ADGRL3: variants seen among roughly 807,000 people sequenced by gnomAD.
ADGRL3 encodes the protein calcium-independent alpha-latrotoxin receptor 3.
Under a neutral mutation model 153.5 loss-of-function variants are expected in ADGRL3, and 62 were observed. That is an observed-to-expected ratio of 0.40 (90% confidence interval 0.33 to 0.50). The LOEUF (loss-of-function observed/expected upper bound fraction) is 0.50, where lower values mean the gene tolerates loss of function less well. Ranked by LOEUF, ADGRL3 falls within the 20% of genes least tolerant of loss-of-function variation. The pLI, the probability that ADGRL3 is intolerant of heterozygous loss-of-function variation, is 0.47. For missense variants in ADGRL3, 1,641 were observed against 1,859.4 expected, an observed-to-expected ratio of 0.88 and a Z score of 2.16; for synonymous variants, 710 against 672.5, an observed-to-expected ratio of 1.06 and a Z score of -0.86.
At chr4:62,002,884 C>G (rs1029007149) in intron 21 of ADGRL3, among the ~76,000 whole-genome samples, 1 of 152,022 alleles carries the variant, frequency 6.6e-6, no homozygotes, top group Non-Finnish European at 1.5e-5. Context: ...TTGTTACCAG[C>G]ACAAAATTAA....
intron 9 of ADGRL3, among the ~76,000 whole-genome samples, chr4:61,814,709 C>T (rs1398109748): frequency 6.6e-6 from 1 of 152,112 alleles, no homozygotes; most frequent in Non-Finnish European, 1.5e-5. Context: ...AGCCTATTTC[C>T]TCTCCTGGGA....
chr4:61,376,818 A>G (rs2096608849), intron 1 of ADGRL3, among the ~76,000 whole-genome samples: 2 of 152,182 alleles, frequency 1.3e-5, no homozygotes, highest in Admixed American at 6.5e-5. Flanking sequence ...AGTTCCTTAG[A>G]TACTAGCAGT....
chr4:61,908,777 T>G (rs1353168344), intron 11 of ADGRL3, among the ~76,000 whole-genome samples: 1 of 152,198 alleles, frequency 6.6e-6, no homozygotes. Flanking sequence ...GAAATTATGC[T>G]TATTTACTTA....
At chr4:62,002,976 T>C (rs577696971) in intron 21 of ADGRL3, among the ~76,000 whole-genome samples, 1 of 152,130 alleles carries the variant, frequency 6.6e-6, no homozygotes, top group Non-Finnish European at 1.5e-5. Context: ...ACCTTCAAAA[T>C]AAAAATTGAT....
chr4:61,992,155 G>A (rs1295731483), intron 19 of ADGRL3, among the ~76,000 whole-genome samples: 1 of 152,052 alleles, frequency 6.6e-6, no homozygotes, highest in Non-Finnish European at 1.5e-5. Flanking sequence ...ATGTTGCTAG[G>A]TAGATAAAGG....
chr4:62,022,958 A>G (rs893706707), intron 21 of ADGRL3, among the ~76,000 whole-genome samples: 4 of 152,122 alleles, frequency 2.6e-5, no homozygotes, highest in Non-Finnish European at 5.9e-5. Flanking sequence ...TTAAAGTCTT[A>G]TTACTCAAGA....
intron 2 of ADGRL3, among the ~76,000 whole-genome samples, chr4:61,491,085 G>A (rs1400386499): frequency 6.6e-6 from 1 of 151,984 alleles, no homozygotes; most frequent in Non-Finnish European, 1.5e-5. Flanking sequence ...TATATTCAGG[G>A]AATTTTTCTT....
intron 1 of ADGRL3, among the ~76,000 whole-genome samples, chr4:61,216,986 C>A (rs1174310179): frequency 1.3e-5 from 2 of 152,108 alleles, no homozygotes; most frequent in Non-Finnish European, 2.9e-5. Flanking sequence ...CTAAGTGGGT[C>A]TTTAAATTGT....
At chr4:61,783,089 A>G (rs2152392079) in intron 8 of ADGRL3, among the ~76,000 whole-genome samples, 1 of 152,302 alleles carries the variant, frequency 6.6e-6, no homozygotes, top group East Asian at 1.9e-4. Context: ...AGTGTCATGT[A>G]GTAGTTGATA....
At chr4:61,376,883 G>T (rs1296197737) in intron 1 of ADGRL3, among the ~76,000 whole-genome samples, 1 of 152,116 alleles carries the variant, frequency 6.6e-6, no homozygotes, top group East Asian at 1.9e-4. Flanking sequence ...GGAATTGATT[G>T]TGGCTATGGA....
chr4:61,730,777 C>G (rs537552498), intron 7 of ADGRL3, 141 bp downstream of exon 7: 4 of 270,412 alleles, frequency 1.5e-5, no homozygotes, highest in Non-Finnish European at 2.9e-5. Context: ...CTCAACTTCA[C>G]TTTAATCTGT....
At chr4:61,859,509 G>T (rs1162514144) in intron 9 of ADGRL3, among the ~76,000 whole-genome samples, 2 of 152,094 alleles carry the variant, frequency 1.3e-5, no homozygotes, top group Non-Finnish European at 2.9e-5. Context: ...AGTTAATAAA[G>T]CTCCTAATCA....
rs533572091 is a variant in ADGRL3 at position 61,747,457 on chromosome 4, A to G, written c.1399+13903A>G. ...GATGAACATTGATGCAAAAATCCTCAATAAAATACTGGCAAACCAAATCCA... is the reference window on the plus strand; with the variant it reads ...GATGAACATTGATGCAAAAATCCTCGATAAAATACTGGCAAACCAAATCCA... On this transcript the variant is annotated intron_variant, in intron 8 of 26. Coordinates refer to ENST00000683033, the MANE Select transcript of ADGRL3 (RefSeq NM_001387552.1). Among the ~76,000 whole-genome samples, 64 of 151,334 alleles carry G rather than the reference A, an allele frequency of 4.2e-4. 1 individual carries two copies. In the East Asian group the frequency reaches 0.011, roughly 25 times the overall value.
intron 6 of ADGRL3, among the ~76,000 whole-genome samples, chr4:61,710,370 G>A (rs1429319773): frequency 1.3e-5 from 2 of 152,136 alleles, no homozygotes; most frequent in Non-Finnish European, 2.9e-5. Context: ...TTATGCAGGG[G>A]GAGGTGTTGG....
At chr4:61,701,787 CT>C (rs1561088827) in intron 6 of ADGRL3, among the ~76,000 whole-genome samples, 1 of 151,894 alleles carries the variant, frequency 6.6e-6, no homozygotes, top group Admixed American at 6.6e-5. Context: ...AAGGCACCTT[CT>C]TTTTTTAATC....
At chr4:61,981,685 C>T (rs994828789) in intron 18 of ADGRL3, among the ~76,000 whole-genome samples, 3 of 152,026 alleles carry the variant, frequency 2.0e-5, no homozygotes, top group Non-Finnish European at 4.4e-5. Flanking sequence ...GATTTATGCA[C>T]ATGTTACAAG....
At chr4:61,789,625 G>A (rs2097317940) in intron 8 of ADGRL3, among the ~76,000 whole-genome samples, 1 of 152,086 alleles carries the variant, frequency 6.6e-6, no homozygotes, top group African/African-American at 2.4e-5. Flanking sequence ...TGGCAAGTTT[G>A]AAATTTAAGT....
At chr4:61,539,817 T>C (rs1381358885) in intron 4 of ADGRL3, among the ~76,000 whole-genome samples, 4 of 152,104 alleles carry the variant, frequency 2.6e-5, no homozygotes, top group Non-Finnish European at 5.9e-5. Context: ...CACCCCCACC[T>C]ACCCTTCCCA....
intron 9 of ADGRL3, among the ~76,000 whole-genome samples, chr4:61,880,653 A>G (rs1042683486): frequency 2.6e-5 from 4 of 152,232 alleles, no homozygotes; most frequent in African/African-American, 9.6e-5. Context: ...GAAGAACTGT[A>G]TAGTTTACAT....
Sources: allele counts gnomAD v4.1 joint callset (sites outside exome capture counted in the v4.1 genomes callset), GRCh38; gene constraint gnomAD v4.1.1; transcripts MANE v1.5; gene names NCBI Gene and HGNC (gene_info 2026-07-23, HGNC 2026-07-21).